Variants in MUC5B observed in about 807,000 individuals in gnomAD.
The protein encoded by MUC5B is mucin-5B.
A neutral mutation model predicts 376.9 loss-of-function variants in MUC5B; 116 were observed. That is an observed-to-expected ratio of 0.31 (90% confidence interval 0.26 to 0.36). The LOEUF (loss-of-function observed/expected upper bound fraction) is 0.36, where lower values mean the gene tolerates loss of function less well. MUC5B is among the 10% of genes least tolerant of loss of function. MUC5B has a pLI of 1.00. For synonymous variants in MUC5B, 3,517 were observed against 3,390.9 expected (o/e 1.04, Z -1.29); for missense variants, 7,165 against 7,769.9 (o/e 0.92, Z 2.93).
chr11:1,225,006 TC>T (rs1451941401), intron 1 of MUC5B, among the ~76,000 whole-genome samples: 2 of 152,106 alleles, frequency 1.3e-5, no homozygotes, highest in Non-Finnish European at 2.9e-5. Context: ...TGGAGCTGCC[TC>T]CTCCCAGCCT....
In MUC5B at chr11:1,258,160, C is replaced by T; in HGVS notation, c.16512C>T (p.Ile5504=). ...TGTGCCCGCCAGGGCAGGAGTCCATCTGCACCCAGGAGGAGGGCGACTGCT... is the reference window on the plus strand; with the variant it reads ...TGTGCCCGCCAGGGCAGGAGTCCATTTGCACCCAGGAGGAGGGCGACTGCT... ...LPVCPPGQES[I]CTQEEGDCCP... is the part of the protein sequence containing the mutation. Residue 5504 remains isoleucine (I), a synonymous_variant, in exon 42 of 49, where the codon ATC becomes ATT. Coordinates refer to ENST00000529681, the MANE Select transcript of MUC5B (RefSeq NM_002458.3). The surrounding 1 kb of genome is among the most constrained non-coding windows in gnomAD (Gnocchi z 5.5). The T allele has an allele frequency of 6.2e-7, 1 of 1,602,802 alleles. No homozygotes were observed. Among genetic ancestry groups the T allele is most frequent in the Non-Finnish European group, 8.5e-7 (1 of 1,176,486 alleles).
In MUC5B at chr11:1,233,847, A is replaced by T. The variant is rs763734720; in HGVS notation, c.2376A>T (p.Thr792=). 3 of 1,597,452 alleles carry T rather than the reference A, an allele frequency of 1.9e-6. No homozygotes were observed. The highest frequency in any genetic ancestry group is 4.6e-5 in the East Asian group (2 of 43,844). ...TGGGAGCCTCTCTGCAGAAAAGCAC[A>T]GGTAAGTGCCACCCCTGCCCTGCCC... is the stretch of plus-strand genomic sequence containing the variant. ...SCLGASLQKS[T]GCAAPMVYLD... The change falls in exon 19 of 49, where the codon ACA becomes ACT. Residue 792 remains threonine (T), a splice_region_variant and synonymous_variant. Transcript: ENST00000529681.
At position 1,261,687 on chromosome 11, in the gene MUC5B, T is replaced by C; in HGVS notation, c.*79T>C. On this transcript the variant is annotated 3_prime_UTR_variant, in exon 49 of 49. Transcript: ENST00000529681. ...TGTCTGATCATGAAAACCTTGGGCCTCCTCTGCGGAGCCCCCCGGCCTGTG... is the reference window on the plus strand; with the variant it reads ...TGTCTGATCATGAAAACCTTGGGCCCCCTCTGCGGAGCCCCCCGGCCTGTG... 7.2e-7 allele frequency: 1 copy of C among 1,385,610 alleles called. No homozygotes were observed. The highest frequency in any genetic ancestry group is 1.0e-6 in the Non-Finnish European group (1 of 1,004,802). 85.8% of individuals were successfully genotyped at this position (1,385,610 alleles called of 1,614,324 possible).
rs1464117175 is a variant in MUC5B at position 1,241,883 on chromosome 11, C to T, written c.5003C>T (p.Thr1668Ile). 2.0e-5 allele frequency: 32 copies of T among 1,612,600 alleles called. No homozygotes were observed. Among genetic ancestry groups the T allele is most frequent in the Non-Finnish European group, 2.7e-5 (32 of 1,179,446 alleles). Residue 1668 changes from threonine to isoleucine, a missense_variant, in exon 31 of 49, where the codon ACA becomes ATA. Around this residue, in one of 31 missense-constraint regions of MUC5B, gnomAD observed 897 missense variants for 779.6 expected, o/e 1.15. Coordinates refer to ENST00000529681, the MANE Select transcript of MUC5B (RefSeq NM_002458.3). ...CCCAGATACACAAGCACCCTTGGTA[C>T]AGCCACCACGGGAGGCCCCACGACG... Reference protein sequence around the residue: ...TSPRYTSTLGTATTGGPTTPA... With the variant: ...TSPRYTSTLGIATTGGPTTPA...
Position 1,251,724 on chromosome 11 carries a change from T to C in MUC5B, c.14844T>C (p.Phe4948=). Residue 4948 remains phenylalanine, a synonymous_variant, in exon 31 of 49, where the codon TTT becomes TTC. Transcript: ENST00000529681. Reference sequence around the variant, plus strand: ...CTACTCCCTGCTTCTGCAGGGCATTTGGACAGTTTTTCTCGCCCGGTGAGT... The same window carrying C: ...CTACTCCCTGCTTCTGCAGGGCATTCGGACAGTTTTTCTCGCCCGGTGAGT... ...HFSTPCFCRA[F]GQFFSPGEVI... 1 of 1,604,382 alleles carries C rather than the reference T, an allele frequency of 6.2e-7. No individual in the cohort carries two copies. Among genetic ancestry groups the C allele is most frequent in the Non-Finnish European group, 8.5e-7 (1 of 1,173,590 alleles).
In MUC5B at chr11:1,245,417, G is replaced by A. The variant is rs531434488; in HGVS notation, c.8537G>A (p.Ser2846Asn). ...TSRTTATATP[S>N]KTRTSTLLPS... ...AGGACCACGGCCACGGCCACACCCA[G>A]CAAGACCCGCACCTCGACCCTGCTG... The change falls in exon 31 of 49, where the codon AGC (serine) becomes AAC (asparagine). Residue 2846 changes from serine to asparagine, a missense_variant. Coordinates refer to ENST00000529681, the MANE Select transcript of MUC5B (RefSeq NM_002458.3). The A allele has an allele frequency of 6.4e-7, 1 of 1,558,990 alleles. No homozygotes were observed. Among genetic ancestry groups the A allele is most frequent in the South Asian group, 1.1e-5 (1 of 88,710 alleles).
Position 1,261,573 on chromosome 11 carries a change from C to G in MUC5B, c.17254C>G (p.Arg5752Gly), listed in dbSNP as rs553728081. The G allele has an allele frequency of 1.2e-6, 2 of 1,607,610 alleles. No homozygotes were observed. Among genetic ancestry groups the G allele is most frequent in the Admixed American group, 3.4e-5 (2 of 59,466 alleles). Residue 5752 changes from arginine (R) to glycine (G), a missense_variant, in exon 49 of 49, where the codon CGT becomes GGT. Physicochemically the swap from Arg to Gly is moderately radical, Grantham distance 125. Transcript: ENST00000529681. ...VPAPMAPPHT[R>G]GFPAQEATAV ...TGCGCCCATGGCTCCCCCACACACCCGTGGCTTCCCGGCCCAGGAGGCCAC... is the reference window on the plus strand; with the variant it reads ...TGCGCCCATGGCTCCCCCACACACCGGTGGCTTCCCGGCCCAGGAGGCCAC...
At position 1,229,222 on chromosome 11, in the gene MUC5B, G is replaced by T. The variant is rs1178003519; in HGVS notation, c.1029G>T (p.Thr343=). 1 of 1,599,912 alleles carries T rather than the reference G, an allele frequency of 6.3e-7. No homozygotes were observed. The highest frequency in any genetic ancestry group is 8.5e-7 in the Non-Finnish European group (1 of 1,176,352). ...ACCAGGAGTGTGGCTCACCCTGCAC[G>T]GACACCTGCTCCAACCCCCAGCGCG... ...MQHQECGSPC[T]DTCSNPQRAQ... Residue 343 remains threonine, a synonymous_variant, in exon 9 of 49, where the codon ACG becomes ACT. Transcript: ENST00000529681.
Position 1,230,127 on chromosome 11 carries a change from G to C in MUC5B, c.1343G>C (p.Ser448Thr), listed in dbSNP as rs1316905184. The change falls in exon 11 of 49, where the codon AGC becomes ACC. Residue 448 changes from serine (S) to threonine (T), a missense_variant. Transcript: ENST00000529681. ...CTCTACGACCTGCATGGTGACTGCA[G>C]CTACGTTCTGTCCAAGGTCTGGGCT... ...EKLYDLHGDC[S>T]YVLSKKCADS... 5 of 1,608,576 alleles carry C rather than the reference G, an allele frequency of 3.1e-6. No homozygotes were observed. Among genetic ancestry groups the C allele is most frequent in the Non-Finnish European group, 4.2e-6 (5 of 1,177,728 alleles).
In MUC5B at chr11:1,240,338, C is replaced by A; in HGVS notation, c.3933C>A (p.Phe1311Leu). ...CTGGAACTCCAGCCACAACGCCATT[C>A]ACCTTCACCACCGCCTGGGTCCCCC... is the stretch of plus-strand genomic sequence containing the variant. The part of the protein sequence containing the change: ...ACPGTPATTP[F>L]TFTTAWVPHS... Residue 1311 changes from phenylalanine to leucine, a missense_variant, in exon 30 of 49, where the codon TTC becomes TTA. By Grantham distance (22) the Phe-to-Leu change is conservative. Around this residue, in one of 31 missense-constraint regions of MUC5B, gnomAD observed 517 missense variants for 545.3 expected, o/e 0.95. Coordinates refer to ENST00000529681, the MANE Select transcript of MUC5B (RefSeq NM_002458.3). 6.2e-7 allele frequency: 1 copy of A among 1,607,636 alleles called. No homozygotes were observed. The highest frequency in any genetic ancestry group is 1.1e-5 in the South Asian group (1 of 90,584).
In MUC5B at chr11:1,230,902, C is replaced by A. The variant is rs558264487; in HGVS notation, c.1471-34C>A. On this transcript the variant is annotated intron_variant, in intron 12 of 48. Transcript: ENST00000529681. ...TTGAGAGTCGGGAATGGGTTCCTCCCCAGAGCTGACCTCCCGCCCGCCTCC... is the reference window on the plus strand; with the variant it reads ...TTGAGAGTCGGGAATGGGTTCCTCCACAGAGCTGACCTCCCGCCCGCCTCC... The A allele has an allele frequency of 2.4e-5, 38 of 1,559,888 alleles. No homozygotes were observed. In the South Asian group the frequency reaches 4.1e-4, roughly 17 times the overall value.
chr11:1,245,834 C>A lies in MUC5B; in HGVS notation c.8954C>A (p.Ser2985Tyr), dbSNP rs1262849143. 1 of 1,613,602 alleles carries A rather than the reference C, an allele frequency of 6.2e-7. No homozygotes were observed. The highest frequency in any genetic ancestry group is 1.1e-5 in the South Asian group (1 of 91,068). ...ACCAGCTCTACGGCCACGCCCTCCT[C>A]CACTCCAGGGACGACCTGGATCCTC... ...PATSSTATPS[S>Y]TPGTTWILTE... Residue 2985 changes from serine to tyrosine, a missense_variant, in exon 31 of 49, where the codon TCC (serine) becomes TAC (tyrosine). Coordinates refer to ENST00000529681, the MANE Select transcript of MUC5B (RefSeq NM_002458.3).
At position 1,232,127 on chromosome 11, in the gene MUC5B, T is replaced by C. The variant is rs1862041605; in HGVS notation, c.1810T>C (p.Phe604Leu). 6.2e-7 allele frequency: 1 copy of C among 1,611,738 alleles called. No homozygotes were observed. The highest frequency in any genetic ancestry group is 1.1e-5 in the South Asian group (1 of 90,918). Residue 604 changes from phenylalanine to leucine, a missense_variant, in exon 15 of 49, where the codon TTT becomes CTT. Phe to Leu is a conservative substitution (Grantham distance 22). This residue lies in a region of MUC5B where 530 missense variants were observed against 604.0 expected (regional missense o/e 0.88). Coordinates refer to ENST00000529681, the MANE Select transcript of MUC5B (RefSeq NM_002458.3). The part of the protein sequence containing the change: ...QAACANARNS[F>L]EDPCSLSVEN... ...TGCCTGTGCCAATGCCAGGAACAGC[T>C]TTGAGGACCCCTGCTCCCTCAGTGT...
In MUC5B at chr11:1,245,990, C is replaced by G. The variant is rs773036549; in HGVS notation, c.9110C>G (p.Ser3037Cys). The change falls in exon 31 of 49, where the codon TCC becomes TGC. Residue 3037 changes from serine (S) to cysteine (C), a missense_variant. By Grantham distance (112) the Ser-to-Cys change is moderately radical (BLOSUM62 -1). Transcript: ENST00000529681. ...GCCACCACACCCACAGCCACCAGTT[C>G]CAAAGCCACTTCCTCCTCCAGTCCA... is the stretch of plus-strand genomic sequence containing the variant. ...STATTPTATSSKATSSSSPRT... is the reference protein window; with the variant it reads ...STATTPTATSCKATSSSSPRT... 6.2e-7 allele frequency: 1 copy of G among 1,612,916 alleles called. No individual in the cohort carries two copies. The highest frequency in any genetic ancestry group is 2.2e-5 in the East Asian group (1 of 44,786).
Position 1,229,299 on chromosome 11 carries a change from G to A in MUC5B, c.1102+4G>A, listed in dbSNP as rs377474155. 25 of 1,566,578 alleles carry A rather than the reference G, an allele frequency of 1.6e-5. No individual in the cohort carries two copies. The highest frequency in any genetic ancestry group is 2.0e-5 in the Non-Finnish European group (23 of 1,160,904). The stretch of plus-strand genomic sequence containing the variant: ...GACGGCTGCTTCTGCCCCCCAGGCA[G>A]GTCTTGTGTGCCCTGAACCCCTCAG... On this transcript the variant is annotated splice_donor_region_variant and intron_variant, in intron 9 of 48. Transcript: ENST00000529681.
chr11:1,254,901 GC>G, intron 35 of MUC5B, 21 bp downstream of exon 35: 1 of 1,579,506 alleles, frequency 6.3e-7, no homozygotes, highest in Non-Finnish European at 8.6e-7. Context: ...GGCGGGTCCT[GC>G]CCCGGCCAGG....
rs772524035 is a variant in MUC5B at position 1,245,907 on chromosome 11, G to A, written c.9027G>A (p.Thr3009=). Residue 3009 remains threonine, a synonymous_variant, in exon 31 of 49, where the codon ACG becomes ACA. Coordinates refer to ENST00000529681, the MANE Select transcript of MUC5B (RefSeq NM_002458.3). ...AATTTATTGS[T]AIPSSTPGTA... ...CTACGACCGCAACCACTGGATCCAC[G>A]GCCATCCCGTCCTCCACCCCGGGAA... 6.4e-5 allele frequency: 103 copies of A among 1,612,714 alleles called. No homozygotes were observed. The highest frequency in any genetic ancestry group is 7.9e-5 in the Non-Finnish European group (93 of 1,179,682).
chr11:1,256,721 A>C lies in MUC5B; in HGVS notation c.16187A>C (p.Glu5396Ala), dbSNP rs1190905527. The C allele has an allele frequency of 6.4e-7, 1 of 1,562,498 alleles. No individual in the cohort carries two copies. Among genetic ancestry groups the C allele is most frequent in the African/African-American group, 1.4e-5 (1 of 73,070 alleles). Reference protein sequence around the residue: ...EGMAEGCFCPEDQILFNAHMG... With the variant: ...EGMAEGCFCPADQILFNAHMG... ...ATGGCGGAGGGCTGCTTCTGCCCTG[A>C]GGACCAGATCCTCTTCAACGCACAC... Residue 5396 changes from glutamate to alanine, a missense_variant, in exon 39 of 49, where the codon GAG becomes GCG. Transcript: ENST00000529681.
chr11:1,236,499 C>G lies in MUC5B; in HGVS notation c.2994C>G (p.His998Gln), dbSNP rs765653240. ...GGATCTTCCTGGTCATCGAGACCCA[C>G]GGGATGGCCGTGTCCTGGGACCGGA... ...YMGIFLVIET[H>Q]GMAVSWDRKT... Residue 998 changes from histidine (H) to glutamine (Q), a missense_variant, in exon 24 of 49, where the codon CAC becomes CAG. Transcript: ENST00000529681. The G allele has an allele frequency of 1.2e-6, 2 of 1,613,126 alleles. No homozygotes were observed. Among genetic ancestry groups the G allele is most frequent in the Admixed American group, 1.7e-5 (1 of 60,020 alleles).
Sources: gnomAD v4.1 joint callset for allele counts (sites outside exome capture counted in the v4.1 genomes callset) on GRCh38, gnomAD v4.1.1 for gene constraint, gnomAD v4.1.1 regional missense constraint, Gnocchi (gnomAD v3.1) non-coding constraint, MANE v1.5 for transcripts, NCBI Gene and HGNC (gene_info 2026-07-23, HGNC 2026-07-21) for gene names.